IL1RAPL2: variants seen among roughly 807,000 people sequenced by gnomAD.
The protein encoded by IL1RAPL2 is X-linked interleukin-1 receptor accessory protein-like 2.
A neutral mutation model predicts 44.1 loss-of-function variants in IL1RAPL2; 3 were observed. The ratio of observed to expected loss-of-function variants is 0.07; its 90% CI spans 0.03 to 0.18. The LOEUF (loss-of-function observed/expected upper bound fraction) is 0.18. Among genes scored for constraint, IL1RAPL2 ranks in the 10% least tolerant of loss-of-function variants. The probability of loss-of-function intolerance (pLI) is 1.00; values close to 1 mark genes in which losing one functional copy is unlikely to be tolerated. For synonymous variants in IL1RAPL2, 181 were observed against 178.8 expected (o/e 1.01, Z -0.10); for missense variants, 391 against 496.4 (o/e 0.79, Z 2.02).
chrX:105,276,171 C>T (rs1489228293), intron 5 of IL1RAPL2, among the ~76,000 whole-genome samples: 2 of 112,106 alleles, frequency 1.8e-5, no homozygotes, highest in African/African-American at 6.5e-5. Context: ...TTTGGGAGAC[C>T]GGGATGGGCG....
intron 6 of IL1RAPL2, among the ~76,000 whole-genome samples, chrX:105,575,378 G>A (rs1339628060): frequency 2.7e-5 from 3 of 110,871 alleles, no homozygotes; most frequent in Non-Finnish European, 5.7e-5. Flanking sequence ...ACCTCTATGT[G>A]TCCATGTGTT....
intron 2 of IL1RAPL2, among the ~76,000 whole-genome samples, chrX:105,060,838 G>T (rs1297803805): frequency 5.5e-5 from 6 of 109,864 alleles, no homozygotes; most frequent in African/African-American, 2.0e-4. Context: ...TTAGCATATA[G>T]TTGCTCATAG....
chrX:104,900,658 G>A (rs1923786306), intron 2 of IL1RAPL2, among the ~76,000 whole-genome samples: 1 of 112,193 alleles, frequency 8.9e-6, no homozygotes, highest in African/African-American at 3.2e-5. Flanking sequence ...AAGGCTACGT[G>A]GAGCATTGTT....
intron 6 of IL1RAPL2, among the ~76,000 whole-genome samples, chrX:105,702,915 C>T (rs897754658): frequency 9.0e-6 from 1 of 111,515 alleles, no homozygotes; most frequent in African/African-American, 3.3e-5. Context: ...CAGTCTTTAA[C>T]AAATAAGAAA....
chrX:105,213,944 C>T (rs1325768945), intron 3 of IL1RAPL2, among the ~76,000 whole-genome samples: 1 of 108,329 alleles, frequency 9.2e-6, no homozygotes, highest in Non-Finnish European at 1.9e-5. Context: ...TTGTCACCAC[C>T]AGGCCCTGCC....
intron 5 of IL1RAPL2, among the ~76,000 whole-genome samples, chrX:105,432,612 CTGA>C (rs2035856073): frequency 9.0e-6 from 1 of 111,123 alleles, no homozygotes; most frequent in Non-Finnish European, 1.9e-5. Context: ...AAATCAGGCT[CTGA>C]TAAGAATGCT....
intron 2 of IL1RAPL2, among the ~76,000 whole-genome samples, chrX:104,851,212 C>A (rs931611189): frequency 9.0e-6 from 1 of 111,699 alleles, no homozygotes; most frequent in African/African-American, 3.3e-5. Flanking sequence ...AGAGCCAAAT[C>A]ATTTACAGAC....
intron 2 of IL1RAPL2, among the ~76,000 whole-genome samples, chrX:104,716,450 G>C (rs770289909): frequency 9.0e-6 from 1 of 111,477 alleles, no homozygotes; most frequent in African/African-American, 3.3e-5. Context: ...AAACTAAAGA[G>C]CTTCTGCACA....
chrX:104,823,714 C>T (rs1483705595), intron 2 of IL1RAPL2, among the ~76,000 whole-genome samples: 2 of 111,036 alleles, frequency 1.8e-5, no homozygotes, highest in Non-Finnish European at 3.8e-5. Context: ...ACAGTCCCAC[C>T]AACAGTATAA....
chrX:104,604,166 A>G (rs746347854), intron 1 of IL1RAPL2, among the ~76,000 whole-genome samples: 8 of 112,001 alleles, frequency 7.1e-5, no homozygotes, highest in Non-Finnish European at 1.5e-4. Context: ...ATTCTTAAAG[A>G]AAATAAATTT....
intron 5 of IL1RAPL2, among the ~76,000 whole-genome samples, chrX:105,457,681 A>C (rs2147764977): frequency 9.2e-6 from 1 of 108,506 alleles, no homozygotes; most frequent in African/African-American, 3.3e-5. Flanking sequence ...TATGTTATAT[A>C]TATGTATATA....
At position 104,758,339 on chromosome X, in the gene IL1RAPL2, T is replaced by A. The variant is rs183921538; in HGVS notation, c.82+99344T>A. Among the ~76,000 whole-genome samples the A allele has an allele frequency of 4.5e-3, 506 of 111,476 alleles. 3 individuals carry two copies. Among genetic ancestry groups the A allele is most frequent in the African/African-American group, 0.016 (479 of 30,757 alleles). ...TAGGAAAGTGTATCATCTTATCATG[T>A]TGAGTTTTAAAGATCATATAATTTT... On this transcript the variant is annotated intron_variant, in intron 2 of 10. Transcript: ENST00000372582.
chrX:105,621,991 C>T (rs902249067), intron 6 of IL1RAPL2, among the ~76,000 whole-genome samples: 5 of 109,524 alleles, frequency 4.6e-5, no homozygotes, highest in African/African-American at 6.6e-5. Flanking sequence ...GGGGAAGTAA[C>T]GATGGTTCAG....
At chrX:105,022,994 G>A (rs1333486180) in intron 2 of IL1RAPL2, among the ~76,000 whole-genome samples, 1 of 111,056 alleles carries the variant, frequency 9.0e-6, no homozygotes, top group East Asian at 2.9e-4. Context: ...TAAGGCACTA[G>A]ATGAAAGAGA....
At chrX:105,259,703 G>C (rs2034341923) in intron 4 of IL1RAPL2, among the ~76,000 whole-genome samples, 1 of 111,326 alleles carries the variant, frequency 9.0e-6, no homozygotes, top group Admixed American at 9.5e-5. Context: ...TGGTGGTGTG[G>C]TTAAGGTACT....
chrX:105,312,082 A>T (rs1293622126), intron 5 of IL1RAPL2, among the ~76,000 whole-genome samples: 1 of 111,928 alleles, frequency 8.9e-6, no homozygotes, highest in Non-Finnish European at 1.9e-5. Flanking sequence ...ACTTTCTAGT[A>T]AAATGACTAC....
At chrX:104,720,504 C>T (rs1038743428) in intron 2 of IL1RAPL2, among the ~76,000 whole-genome samples, 1 of 111,890 alleles carries the variant, frequency 8.9e-6, no homozygotes, top group African/African-American at 3.2e-5. Flanking sequence ...CATGCACCTT[C>T]ATAAAATGAG....
intron 2 of IL1RAPL2, among the ~76,000 whole-genome samples, chrX:104,862,425 T>C (rs759436920): frequency 4.5e-5 from 5 of 110,129 alleles, no homozygotes; most frequent in Non-Finnish European, 9.5e-5. Context: ...AGGTAAAATG[T>C]GGTCATTAGT....
At chrX:105,670,370 G>A (rs1354791033) in intron 6 of IL1RAPL2, among the ~76,000 whole-genome samples, 3 of 101,733 alleles carry the variant, frequency 2.9e-5, no homozygotes. Context: ...GCACGATCTC[G>A]GCTCACTGCA....
Sources: allele counts gnomAD v4.1 joint callset (sites outside exome capture counted in the v4.1 genomes callset), GRCh38; gene constraint gnomAD v4.1.1; transcripts MANE v1.5; gene names NCBI Gene and HGNC (gene_info 2026-07-23, HGNC 2026-07-21).